BICD2: variants seen among roughly 807,000 people sequenced by gnomAD.
BICD2 encodes BICD cargo adaptor 2.
In BICD2, 25 loss-of-function variants were observed where a neutral mutation model predicts 72.9. That is an observed-to-expected ratio of 0.34 (90% CI 0.25 to 0.48). The LOEUF (loss-of-function observed/expected upper bound fraction) is 0.48. Ranked by LOEUF, BICD2 falls within the 20% of genes least tolerant of loss-of-function variation. The pLI is 0.99. For synonymous variants in BICD2, 501 were observed against 516.1 expected (o/e 0.97, Z 0.40); for missense variants, 894 against 1,175.2 (o/e 0.76, Z 3.50).
At chr9:92,729,757 A>G (rs1853642798) in intron 1 of BICD2, among the ~76,000 whole-genome samples, 1 of 152,238 alleles carries the variant, frequency 6.6e-6, no homozygotes, top group Admixed American at 6.5e-5. Context: ...GGTAAGAACT[A>G]GACAGAGGCC....
chr9:92,754,605 C>T (rs935649725), intron 1 of BICD2, among the ~76,000 whole-genome samples: 16 of 152,206 alleles, frequency 1.1e-4, no homozygotes. Context: ...GGACCCCAAA[C>T]AGAGAGACCG....
chr9:92,720,844 A>C lies in BICD2; in HGVS notation c.607-89T>G. The C allele has an allele frequency of 7.6e-7, 1 of 1,323,108 alleles. No homozygotes were observed. The highest frequency in any genetic ancestry group is 1.0e-6 in the Non-Finnish European group (1 of 975,336). 82.0% of individuals were successfully genotyped at this position (1,323,108 alleles called of 1,614,324 possible). A position where few individuals can be genotyped will look rare whatever the true frequency, so the allele number is the denominator to read the frequency against. The stretch of plus-strand genomic sequence containing the variant: ...ATGAAGAAAACACACCAGCACACCA[A>C]CTCCGGCCACTATGAAGCAAAAGAT... On this transcript the variant is annotated intron_variant, in intron 3 of 6. Transcript: ENST00000356884. The surrounding 1 kb of genome is among the most constrained non-coding windows in gnomAD (Gnocchi z 5.4).
Position 92,720,770 on chromosome 9 carries a change from C to T in BICD2, c.607-15G>A, listed in dbSNP as rs368888033. 2 of 1,610,656 alleles carry T rather than the reference C, an allele frequency of 1.2e-6. No homozygotes were observed. Among genetic ancestry groups the T allele is most frequent in the Non-Finnish European group, 8.5e-7 (1 of 1,178,028 alleles). Reference sequence around the variant, plus strand: ...TCAAACTCCACCTGGGAAGAGAAGTCAACGCTCTTGCATCAATGCAATGTG... The same window carrying T: ...TCAAACTCCACCTGGGAAGAGAAGTTAACGCTCTTGCATCAATGCAATGTG... On this transcript the variant is annotated splice_polypyrimidine_tract_variant and intron_variant, in intron 3 of 6. Coordinates refer to ENST00000356884, the MANE Select transcript of BICD2 (RefSeq NM_001003800.2). The surrounding 1 kb of genome is among the most constrained non-coding windows in gnomAD (Gnocchi z 5.4).
intron 1 of BICD2, among the ~76,000 whole-genome samples, chr9:92,755,237 T>C (rs1854231677): frequency 6.6e-6 from 1 of 152,228 alleles, no homozygotes; most frequent in African/African-American, 2.4e-5. Context: ...TCCCGCCTAA[T>C]AAATTTTGGT....
At chr9:92,742,701 A>AC (rs199864948) in intron 1 of BICD2, among the ~76,000 whole-genome samples, 58 of 145,424 alleles carry the variant, frequency 4.0e-4, no homozygotes, top group Admixed American at 1.4e-3. Flanking sequence ...CATTTCTATC[A>AC]CCCCCCCCAA....
chr9:92,735,312 C>T (rs994590890), intron 1 of BICD2, among the ~76,000 whole-genome samples: 2 of 152,160 alleles, frequency 1.3e-5, no homozygotes, highest in African/African-American at 2.4e-5. Flanking sequence ...TGCACAGTGG[C>T]ATGGCCTCGG....
Position 92,714,854 on chromosome 9 carries a change from G to A in BICD2, c.*300C>T, listed in dbSNP as rs1587665489. 1 of 1,171,754 alleles carries A rather than the reference G, an allele frequency of 8.5e-7. No individual in the cohort carries two copies. Among genetic ancestry groups the A allele is most frequent in the Non-Finnish European group, 1.1e-6 (1 of 946,432 alleles). The allele number at this position is 1,171,754 out of a possible 1,614,324, so 72.6% of individuals were successfully genotyped here. ...TTGGGTTTCCCCACGGGTGCGCAGG[G>A]CTTAGAAGATGCTTTCATCACACAT... On this transcript the variant is annotated 3_prime_UTR_variant, in exon 7 of 7. Transcript: ENST00000356884.
intron 1 of BICD2, among the ~76,000 whole-genome samples, chr9:92,744,360 T>C (rs1356766673): frequency 1.3e-5 from 2 of 152,146 alleles, no homozygotes; most frequent in African/African-American, 4.8e-5. Flanking sequence ...GCCAGAATGA[T>C]CACACCTTGA....
Position 92,711,391 on chromosome 9 carries a change from T to C in BICD2, c.*3763A>G, listed in dbSNP as rs1853191762. 6.6e-6 allele frequency: 1 copy of C among 152,660 alleles called. No homozygotes were observed. Among genetic ancestry groups the C allele is most frequent in the South Asian group, 2.1e-4 (1 of 4,822 alleles). 9.5% of individuals were successfully genotyped at this position (152,660 alleles called of 1,614,324 possible). Reference sequence around the variant, plus strand: ...GCTTTGTCTTTTTATTATTCTTTATTGGTCCTACCAATGTGACTCTTTACC... The same window carrying C: ...GCTTTGTCTTTTTATTATTCTTTATCGGTCCTACCAATGTGACTCTTTACC... On this transcript the variant is annotated 3_prime_UTR_variant, in exon 7 of 7. Transcript: ENST00000356884.
At chr9:92,742,378 CTT>C (rs1043689970) in intron 1 of BICD2, among the ~76,000 whole-genome samples, 1 of 142,706 alleles carries the variant, frequency 7.0e-6, no homozygotes, top group African/African-American at 2.6e-5. Flanking sequence ...TTCCACATTT[CTT>C]TTTTTTTTTT....
chr9:92,744,037 C>G (rs754873578), intron 1 of BICD2, among the ~76,000 whole-genome samples: 4 of 152,188 alleles, frequency 2.6e-5, no homozygotes, highest in Non-Finnish European at 5.9e-5. Flanking sequence ...CTGCTGTGCT[C>G]CTCTAGAAGA....
At chr9:92,755,745 G>C (rs1030507830) in intron 1 of BICD2, among the ~76,000 whole-genome samples, 1 of 152,220 alleles carries the variant, frequency 6.6e-6, no homozygotes. Context: ...CATGTTGTGA[G>C]GGTGGTACTG....
chr9:92,719,617 T>C (rs765772140), intron 4 of BICD2, 35 bp from the exon 5 acceptor site: 8 of 1,546,228 alleles, frequency 5.2e-6, no homozygotes, highest in South Asian at 1.2e-5. Flanking sequence ...ACCATGTCAG[T>C]TGCTATGGAC....
chr9:92,723,595 T>C (rs553426001), intron 2 of BICD2, among the ~76,000 whole-genome samples: 1 of 152,326 alleles, frequency 6.6e-6, no homozygotes, highest in South Asian at 2.1e-4. Context: ...GGTTTTCTTT[T>C]TGGAGCAATG....
At position 92,718,787 on chromosome 9, in the gene BICD2, G is replaced by C; in HGVS notation, c.1858C>G (p.Pro620Ala). The C allele has an allele frequency of 6.2e-7, 1 of 1,613,822 alleles. No individual in the cohort carries two copies. The highest frequency in any genetic ancestry group is 8.5e-7 in the Non-Finnish European group (1 of 1,179,924). ...GSSLPSPLSDPRREPMNIYNL... is the reference protein window; with the variant it reads ...GSSLPSPLSDARREPMNIYNL... ...TAGATGTTCATGGGCTCCCGGCGTG[G>C]GTCACTCAGGGGTGATGGCAGTGAG... The change falls in exon 5 of 7, where the codon CCA becomes GCA. Residue 620 changes from proline to alanine, a missense_variant. Physicochemically the swap from Pro to Ala is conservative, Grantham distance 27. Coordinates refer to ENST00000356884, the MANE Select transcript of BICD2 (RefSeq NM_001003800.2).
Position 92,764,723 on chromosome 9 carries a change from C to T in BICD2, c.22G>A (p.Glu8Lys), listed in dbSNP as rs1854446602. The stretch of plus-strand genomic sequence containing the variant: ...TCCATCACCAGCCGCGCGTACTCCT[C>T]CTCCTCCGACGGCGCCGACATGGTG... MSAPSEE[E>K]EYARLVMEAQ... The change falls in exon 1 of 7, where the codon GAG becomes AAG. Residue 8 changes from glutamate to lysine, a missense_variant. Transcript: ENST00000356884. This position sits in a 1 kb window ranked among gnomAD's most constrained non-coding sequence, Gnocchi z 5.5. The T allele has an allele frequency of 1.3e-6, 2 of 1,576,886 alleles. No homozygotes were observed. Among genetic ancestry groups the T allele is most frequent in the Non-Finnish European group, 1.7e-6 (2 of 1,169,768 alleles).
intron 1 of BICD2, among the ~76,000 whole-genome samples, chr9:92,731,475 T>TA (rs771855818): frequency 2.3e-3 from 311 of 137,660 alleles, no homozygotes; most frequent in Non-Finnish European, 3.6e-3. Context: ...TGTGAAAACT[T>TA]AAAAAAAAAA....
intron 1 of BICD2, among the ~76,000 whole-genome samples, chr9:92,740,902 CAGG>C (rs1853885545): frequency 6.6e-6 from 1 of 152,186 alleles, no homozygotes; most frequent in African/African-American, 2.4e-5. Context: ...GCCTGCCTCA[CAGG>C]AGAACTGACC....
At chr9:92,741,860 AC>A (rs1853903370) in intron 1 of BICD2, among the ~76,000 whole-genome samples, 1 of 152,220 alleles carries the variant, frequency 6.6e-6, no homozygotes, top group African/African-American at 2.4e-5. Context: ...GCACCAAGAA[AC>A]ATCCTCAAAA....
Sources: gnomAD v4.1 joint callset for allele counts (sites outside exome capture counted in the v4.1 genomes callset) on GRCh38, gnomAD v4.1.1 for gene constraint, Gnocchi (gnomAD v3.1) non-coding constraint, MANE v1.5 for transcripts, NCBI Gene and HGNC (gene_info 2026-07-23, HGNC 2026-07-21) for gene names.